PRKN: variants seen among roughly 807,000 people sequenced by gnomAD.
PRKN encodes parkin RBR E3 ubiquitin protein ligase.
PRKN carries 56 observed loss-of-function variants against 59.5 expected under a neutral mutation model. The observed-to-expected ratio is 0.94, with a 90% CI of 0.76 to 1.18. PRKN has a LOEUF of 1.18. PRKN is among the 50% of genes most tolerant of loss of function. The pLI, the probability that PRKN is intolerant of heterozygous loss-of-function variation, is 0.00. For synonymous variants in PRKN, 250 were observed against 222.1 expected (o/e 1.13, Z -1.12); for missense variants, 657 against 596.4 (o/e 1.10, Z -1.06).
intron 5 of PRKN, among the ~76,000 whole-genome samples, chr6:161,978,045 T>C (rs968563489): frequency 7.7e-6 from 1 of 130,008 alleles, no homozygotes; most frequent in East Asian, 1.9e-4. Flanking sequence ...TTTATTTTAT[T>C]TTATTTTATT....
chr6:161,767,449 G>A lies in PRKN; in HGVS notation c.871+18323C>T, dbSNP rs541995593. On this transcript the variant is annotated intron_variant, in intron 7 of 11. Coordinates refer to ENST00000366898, the MANE Select transcript of PRKN (RefSeq NM_004562.3). ...GGAGAATGGCGTGAGCCCGGGAGGC[G>A]GAGCTTGCAGTGAGCCAAGATCAGG... 3.6e-4 allele frequency among the ~76,000 whole-genome samples: 54 copies of A among 152,068 alleles called. No homozygotes were observed. The East Asian group carries it at 6.4e-3, about 18-fold the overall frequency.
rs978816575 is a variant in PRKN at position 161,526,644 on chromosome 6, C to G, written c.1083+22210G>C. ...GCATCAGTAATTGCTACATGAGGAG[C>G]AAACCCTCTGATATAATTTTACATT... On this transcript the variant is annotated intron_variant, in intron 9 of 11. Transcript: ENST00000366898. This position sits in a 1 kb window ranked among gnomAD's most constrained non-coding sequence, Gnocchi z 4.1. 6.6e-6 allele frequency among the ~76,000 whole-genome samples: 1 copy of G among 151,332 alleles called. No individual in the cohort carries two copies. The highest frequency in any genetic ancestry group is 2.4e-5 in the African/African-American group (1 of 41,274).
chr6:162,175,695 G>T (rs1399309560), intron 4 of PRKN, among the ~76,000 whole-genome samples: 1 of 152,148 alleles, frequency 6.6e-6, no homozygotes, highest in African/African-American at 2.4e-5. Flanking sequence ...AAGTAGAAGT[G>T]GGGTGTCAGG....
intron 5 of PRKN, among the ~76,000 whole-genome samples, chr6:161,992,483 G>A (rs1781688609): frequency 6.6e-6 from 1 of 152,102 alleles, no homozygotes; most frequent in Non-Finnish European, 1.5e-5. Flanking sequence ...AGATTGAAAG[G>A]GAGAGATAGA....
intron 4 of PRKN, among the ~76,000 whole-genome samples, chr6:162,086,840 T>C (rs1779265540): frequency 6.6e-6 from 1 of 152,200 alleles, no homozygotes; most frequent in Non-Finnish European, 1.5e-5. Flanking sequence ...GAACAGACCT[T>C]TTTTGTCTGA....
chr6:162,282,133 G>A (rs1780936530), intron 2 of PRKN, among the ~76,000 whole-genome samples: 4 of 152,176 alleles, frequency 2.6e-5, no homozygotes, highest in Admixed American at 2.0e-4. Context: ...CGCCACGGGG[G>A]TTGGAGACCC....
At chr6:162,615,209 C>T (rs541373388) in intron 1 of PRKN, among the ~76,000 whole-genome samples, 22 of 152,264 alleles carry the variant, frequency 1.4e-4, no homozygotes, top group African/African-American at 2.2e-4. Flanking sequence ...TAGAAAATTA[C>T]GCAACCTAAG....
intron 1 of PRKN, among the ~76,000 whole-genome samples, chr6:162,722,260 A>G (rs570605010): frequency 1.0e-3 from 158 of 152,330 alleles, no homozygotes; most frequent in African/African-American, 3.7e-3. Context: ...AAAGGTTTCT[A>G]TTTGGTGAAA....
At chr6:161,508,455 C>T (rs571757384) in intron 9 of PRKN, among the ~76,000 whole-genome samples, 10 of 152,252 alleles carry the variant, frequency 6.6e-5, no homozygotes, top group South Asian at 4.2e-4. Flanking sequence ...ACCTCGGAAA[C>T]GCTTTTCCTG....
intron 6 of PRKN, among the ~76,000 whole-genome samples, chr6:161,948,081 G>A (rs1343597737): frequency 2.6e-5 from 4 of 152,054 alleles, no homozygotes; most frequent in African/African-American, 7.3e-5. Flanking sequence ...CACCTCCCAG[G>A]TTCAAGCGCT....
intron 1 of PRKN, among the ~76,000 whole-genome samples, chr6:162,649,472 G>A (rs1488556924): frequency 6.6e-6 from 1 of 152,022 alleles, no homozygotes; most frequent in East Asian, 1.9e-4. Context: ...TAGTGAAACT[G>A]AAGCCCATCT....
intron 1 of PRKN, among the ~76,000 whole-genome samples, chr6:162,695,357 A>C (rs533958781): frequency 6.6e-6 from 1 of 152,290 alleles, no homozygotes. Flanking sequence ...AGGAAGGGTA[A>C]GTATCATTAA....
intron 2 of PRKN, among the ~76,000 whole-genome samples, chr6:162,300,825 C>A (rs1362433076): frequency 6.6e-6 from 1 of 152,078 alleles, no homozygotes; most frequent in African/African-American, 2.4e-5. Context: ...TGTAGACAAC[C>A]TACCAACAAC....
intron 2 of PRKN, among the ~76,000 whole-genome samples, chr6:162,435,187 A>G (rs953409535): frequency 3.3e-5 from 5 of 152,166 alleles, no homozygotes; most frequent in African/African-American, 1.2e-4. Context: ...TCCTATGTTA[A>G]GAGTTTGGAG....
chr6:162,595,407 C>T (rs1446056793), intron 1 of PRKN, among the ~76,000 whole-genome samples: 1 of 151,908 alleles, frequency 6.6e-6, no homozygotes, highest in Non-Finnish European at 1.5e-5. Context: ...AGATATGTGC[C>T]ACCACACCCG....
chr6:162,063,904 A>T (rs910895353), intron 4 of PRKN, among the ~76,000 whole-genome samples: 1 of 143,750 alleles, frequency 7.0e-6, no homozygotes, highest in Non-Finnish European at 1.5e-5. Context: ...TTTCACTCCA[A>T]GGTGTTGGTC....
At chr6:162,403,006 C>T (rs1366439662) in intron 2 of PRKN, among the ~76,000 whole-genome samples, 2 of 152,092 alleles carry the variant, frequency 1.3e-5, no homozygotes, top group Non-Finnish European at 2.9e-5. Context: ...ATGGTCTGGA[C>T]TCAGATACCC....
At chr6:162,418,066 G>T (rs1049926997) in intron 2 of PRKN, among the ~76,000 whole-genome samples, 13 of 152,066 alleles carry the variant, frequency 8.5e-5, no homozygotes, top group African/African-American at 2.9e-4. Flanking sequence ...AAATATTCAT[G>T]GTAGCATCAT....
intron 4 of PRKN, among the ~76,000 whole-genome samples, chr6:162,150,639 T>G (rs1782229626): frequency 1.3e-5 from 2 of 152,278 alleles, no homozygotes; most frequent in Admixed American, 1.3e-4. Flanking sequence ...AAAGGCTCAT[T>G]AACCTCTAAA....
Sources: gnomAD v4.1 joint callset for allele counts (sites outside exome capture counted in the v4.1 genomes callset) on GRCh38, gnomAD v4.1.1 for gene constraint, Gnocchi (gnomAD v3.1) non-coding constraint, MANE v1.5 for transcripts, NCBI Gene and HGNC (gene_info 2026-07-23, HGNC 2026-07-21) for gene names.